The following LIN7A variants were observed in gnomAD, a reference collection of about 807,000 sequenced individuals.
LIN7A encodes lin-7 cell polarity scaffold A, also known as protein lin-7 homolog A.
A neutral mutation model predicts 29.8 loss-of-function variants in LIN7A; 25 were observed. The observed-to-expected ratio is 0.84, with a 90% CI of 0.61 to 1.17. The LOEUF (loss-of-function observed/expected upper bound fraction) is 1.17, where lower values mean the gene tolerates loss of function less well. LIN7A is among the 50% of genes most tolerant of loss of function. LIN7A has a pLI of 0.00. For synonymous variants in LIN7A, 118 were observed against 107.5 expected (o/e 1.10, Z -0.60); for missense variants, 239 against 287.0 (o/e 0.83, Z 1.21).
At chr12:80,912,642 G>A (rs1277709086) in intron 1 of LIN7A, among the ~76,000 whole-genome samples, 1 of 150,884 alleles carries the variant, frequency 6.6e-6, no homozygotes, top group African/African-American at 2.5e-5. Flanking sequence ...TTGAATCCCA[G>A]AGGCAGAGGT....
chr12:80,919,038 A>G (rs1348418056), intron 1 of LIN7A, among the ~76,000 whole-genome samples: 2 of 152,238 alleles, frequency 1.3e-5, no homozygotes, highest in African/African-American at 4.8e-5. Flanking sequence ...GTAATAGGCT[A>G]TACTATCTAG....
chr12:80,825,179 T>A (rs1039810520), intron 4 of LIN7A, among the ~76,000 whole-genome samples: 18 of 152,166 alleles, frequency 1.2e-4, no homozygotes, highest in African/African-American at 4.3e-4. Flanking sequence ...TATCAGAGAA[T>A]GCGTCATTGC....
intron 4 of LIN7A, among the ~76,000 whole-genome samples, chr12:80,828,987 G>C (rs1872216160): frequency 6.6e-6 from 1 of 152,018 alleles, no homozygotes; most frequent in Non-Finnish European, 1.5e-5. Context: ...TTAAAAATTT[G>C]CTAAGAATGC....
chr12:80,865,555 C>T (rs142958546), intron 2 of LIN7A, among the ~76,000 whole-genome samples: 153 of 152,256 alleles, frequency 1.0e-3, no homozygotes, highest in African/African-American at 3.4e-3. Flanking sequence ...TCATATTAGA[C>T]AACAATGTAG....
intron 1 of LIN7A, among the ~76,000 whole-genome samples, chr12:80,920,253 T>A (rs978683286): frequency 6.6e-6 from 1 of 152,194 alleles, no homozygotes; most frequent in African/African-American, 2.4e-5. Context: ...TAATATGATA[T>A]CCATGTGTCA....
At chr12:80,818,243 C>A (rs1215021723) in intron 4 of LIN7A, among the ~76,000 whole-genome samples, 1 of 152,152 alleles carries the variant, frequency 6.6e-6, no homozygotes, top group Non-Finnish European at 1.5e-5. Flanking sequence ...ACTGCAAGCT[C>A]CGCCTCCCCA....
chr12:80,907,906 T>C (rs1300436315), intron 1 of LIN7A, among the ~76,000 whole-genome samples: 3 of 152,196 alleles, frequency 2.0e-5, no homozygotes, highest in Non-Finnish European at 2.9e-5. Context: ...GTGTGCTTGA[T>C]ATTAATCAAT....
At chr12:80,809,719 T>G (rs1051320928) in intron 5 of LIN7A, among the ~76,000 whole-genome samples, 3 of 152,204 alleles carry the variant, frequency 2.0e-5, no homozygotes, top group African/African-American at 7.2e-5. Flanking sequence ...TAGGAACTTC[T>G]AAGATGGGGT....
At chr12:80,896,257 G>T (rs943366310) in intron 1 of LIN7A, among the ~76,000 whole-genome samples, 1 of 152,190 alleles carries the variant, frequency 6.6e-6, no homozygotes, top group Non-Finnish European at 1.5e-5. Flanking sequence ...CATGTGGAAG[G>T]TCAGACAAAA....
At chr12:80,906,041 T>A (rs1876460956) in intron 1 of LIN7A, among the ~76,000 whole-genome samples, 1 of 152,202 alleles carries the variant, frequency 6.6e-6, no homozygotes, top group Non-Finnish European at 1.5e-5. Context: ...TTTTATTTAA[T>A]ATTTGTACTT....
chr12:80,879,492 T>A (rs554603124), intron 2 of LIN7A, among the ~76,000 whole-genome samples: 2 of 152,178 alleles, frequency 1.3e-5, no homozygotes, highest in African/African-American at 4.8e-5. Context: ...TGCAAATTAC[T>A]AACCAAATCA....
chr12:80,855,299 T>A (rs1365289490), intron 2 of LIN7A, among the ~76,000 whole-genome samples: 1 of 152,138 alleles, frequency 6.6e-6, no homozygotes, highest in East Asian at 1.9e-4. Flanking sequence ...TTGTTAAGTG[T>A]ATGGCTTTTC....
chr12:80,860,879 T>C (rs1873839214), intron 2 of LIN7A: 1 of 152,222 alleles, frequency 6.6e-6, no homozygotes, highest in Admixed American at 6.5e-5. Flanking sequence ...TGAATATTCT[T>C]CTCTTCATCA....
intron 2 of LIN7A, among the ~76,000 whole-genome samples, chr12:80,874,576 A>C (rs1215227650): frequency 6.6e-6 from 1 of 152,250 alleles, no homozygotes; most frequent in African/African-American, 2.4e-5. Flanking sequence ...ACAAAAAGGC[A>C]TATATTTTAA....
At chr12:80,865,812 AG>A (rs1430495031) in intron 2 of LIN7A, among the ~76,000 whole-genome samples, 15 of 152,312 alleles carry the variant, frequency 9.8e-5, no homozygotes, top group African/African-American at 3.6e-4. Context: ...CAGAGGATAG[AG>A]AATGTTTCTT....
chr12:80,891,004 C>T (rs1008670310), intron 1 of LIN7A, among the ~76,000 whole-genome samples: 4 of 152,022 alleles, frequency 2.6e-5, no homozygotes, highest in African/African-American at 9.7e-5. Context: ...TCCTTTGTTC[C>T]ATATTTCTAA....
intron 1 of LIN7A, among the ~76,000 whole-genome samples, chr12:80,898,989 C>T (rs953095671): frequency 2.0e-5 from 3 of 152,082 alleles, no homozygotes; most frequent in Non-Finnish European, 2.9e-5. Context: ...CTTTCTCTTT[C>T]CTCATTGCTC....
intron 1 of LIN7A, among the ~76,000 whole-genome samples, chr12:80,901,868 A>G (rs1876231441): frequency 6.6e-6 from 1 of 152,166 alleles, no homozygotes; most frequent in African/African-American, 2.4e-5. Flanking sequence ...TGAGAGTTGT[A>G]TGATGAGGTT....
chr12:80,927,093 T>C (rs1877629042), intron 1 of LIN7A, among the ~76,000 whole-genome samples: 1 of 151,608 alleles, frequency 6.6e-6, no homozygotes, highest in African/African-American at 2.4e-5. Context: ...TAAAATGATA[T>C]GGTTTTTCTC....
Sources: allele counts gnomAD v4.1 joint callset (sites outside exome capture counted in the v4.1 genomes callset), GRCh38; gene constraint gnomAD v4.1.1; transcripts MANE v1.5; gene names NCBI Gene and HGNC (gene_info 2026-07-23, HGNC 2026-07-21).